The following IMMP2L variants were observed in gnomAD, a reference collection of about 807,000 sequenced individuals.
The protein encoded by IMMP2L is mitochondrial inner membrane protease subunit 2.
IMMP2L carries 18 observed loss-of-function variants against 19.3 expected under a neutral mutation model. The observed-to-expected ratio is 0.93, with a 90% confidence interval of 0.64 to 1.38. The LOEUF is 1.38. IMMP2L is among the 40% of genes most tolerant of loss of function. The pLI, the probability that IMMP2L is intolerant of heterozygous loss-of-function variation, is 0.00. For synonymous variants in IMMP2L, 76 were observed against 73.0 expected (o/e 1.04, Z -0.21); for missense variants, 233 against 218.2 (o/e 1.07, Z -0.43).
chr7:110,889,722 T>C (rs1017748324), intron 4 of IMMP2L, among the ~76,000 whole-genome samples: 3 of 152,194 alleles, frequency 2.0e-5, no homozygotes, highest in East Asian at 3.8e-4. Context: ...CAACATAGTC[T>C]CTGGAGCCAG....
chr7:111,211,686 G>A (rs1811326206), intron 3 of IMMP2L, among the ~76,000 whole-genome samples: 1 of 152,170 alleles, frequency 6.6e-6, no homozygotes, highest in African/African-American at 2.4e-5. Context: ...TGTGCAAAGA[G>A]GTTGGAATAT....
chr7:110,820,160 G>A (rs567878787), intron 5 of IMMP2L, among the ~76,000 whole-genome samples: 1 of 151,468 alleles, frequency 6.6e-6, no homozygotes, highest in Non-Finnish European at 1.5e-5. Context: ...TTATCTTCAG[G>A]GTACAATACA....
Position 111,538,315 on chromosome 7 carries a change from A to T in IMMP2L, c.-2-16866T>A, listed in dbSNP as rs956008525. Among the ~76,000 whole-genome samples the T allele has an allele frequency of 2.0e-5, 3 of 152,048 alleles. No individual in the cohort carries two copies. The South Asian group carries it at 6.2e-4, about 32-fold the overall frequency. On this transcript the variant is annotated intron_variant, in intron 1 of 5. Coordinates refer to ENST00000405709, the MANE Select transcript of IMMP2L (RefSeq NM_032549.4). ...ATATAAGTTCTGGAGGCCTTGATTG[A>T]ACAGCACTGCACAACCACATGCCAT...
At chr7:111,232,648 C>T (rs1813842246) in intron 3 of IMMP2L, among the ~76,000 whole-genome samples, 1 of 152,084 alleles carries the variant, frequency 6.6e-6, no homozygotes, top group African/African-American at 2.4e-5. Flanking sequence ...ACTCTTCACT[C>T]TTCACACTCT....
rs182224198 is a variant in IMMP2L at position 111,409,882 on chromosome 7, T to C, written c.239+77356A>G. 2.0e-4 allele frequency among the ~76,000 whole-genome samples: 31 copies of C among 151,814 alleles called. No individual in the cohort carries two copies. The East Asian group carries it at 5.4e-3, about 27-fold the overall frequency. ...AACAAAAGGGAAACAAATCAGGTGA[T>C]ATCTAAGACTGCCCCTATTCCAACC... On this transcript the variant is annotated intron_variant, in intron 3 of 5. Transcript: ENST00000405709.
At chr7:111,479,520 T>A (rs964827309) in intron 3 of IMMP2L, among the ~76,000 whole-genome samples, 6 of 152,148 alleles carry the variant, frequency 3.9e-5, no homozygotes, top group Admixed American at 1.3e-4. Context: ...TTGATTTGCC[T>A]TGTGTTCTAT....
chr7:110,891,192 A>G (rs558853323), intron 4 of IMMP2L, among the ~76,000 whole-genome samples: 1 of 151,868 alleles, frequency 6.6e-6, no homozygotes, highest in African/African-American at 2.4e-5. Flanking sequence ...CAGAAATATC[A>G]GCAGTTAGAA....
chr7:110,810,086 G>A (rs779601434), intron 5 of IMMP2L, among the ~76,000 whole-genome samples: 10 of 151,976 alleles, frequency 6.6e-5, no homozygotes, highest in South Asian at 4.1e-4. Context: ...CTGCCTTGCC[G>A]GCTTCCATCT....
At chr7:111,056,701 A>G (rs1793542367) in intron 3 of IMMP2L, among the ~76,000 whole-genome samples, 1 of 152,224 alleles carries the variant, frequency 6.6e-6, no homozygotes, top group Non-Finnish European at 1.5e-5. Flanking sequence ...TGCATGTATT[A>G]TATACTGTAT....
At chr7:111,400,476 A>G (rs1236205577) in intron 3 of IMMP2L, among the ~76,000 whole-genome samples, 1 of 152,048 alleles carries the variant, frequency 6.6e-6, no homozygotes, top group African/African-American at 2.4e-5. Flanking sequence ...TTGCTTGGTA[A>G]TATTCCCCTA....
At chr7:111,112,102 C>A (rs1799306119) in intron 3 of IMMP2L, among the ~76,000 whole-genome samples, 1 of 151,418 alleles carries the variant, frequency 6.6e-6, no homozygotes, top group South Asian at 2.1e-4. Context: ...CGCATGCCAC[C>A]ACACCCGGCT....
intron 3 of IMMP2L, among the ~76,000 whole-genome samples, chr7:111,113,726 C>T (rs924707542): frequency 1.3e-5 from 2 of 152,096 alleles, no homozygotes; most frequent in African/African-American, 4.8e-5. Context: ...ACACATTTCC[C>T]AAACCATTGT....
chr7:110,811,614 CTG>C (rs1562991112), intron 5 of IMMP2L, among the ~76,000 whole-genome samples: 1 of 151,920 alleles, frequency 6.6e-6, no homozygotes. Flanking sequence ...TTGAAATAGT[CTG>C]TGTATTTTTT....
At chr7:111,495,990 T>A (rs1843559605) in intron 2 of IMMP2L, among the ~76,000 whole-genome samples, 1 of 152,142 alleles carries the variant, frequency 6.6e-6, no homozygotes, top group Non-Finnish European at 1.5e-5. Context: ...GAAGAACCAT[T>A]ACTTTGAAGA....
intron 3 of IMMP2L, among the ~76,000 whole-genome samples, chr7:111,440,194 A>G (rs990317698): frequency 6.6e-6 from 1 of 151,878 alleles, no homozygotes; most frequent in Admixed American, 6.6e-5. Flanking sequence ...ATGAATCATG[A>G]ATCACAAATC....
chr7:111,123,509 A>G lies in IMMP2L; in HGVS notation c.240-159944T>C. 6.2e-7 allele frequency: 1 copy of G among 1,613,920 alleles called. No individual in the cohort carries two copies. Among genetic ancestry groups the G allele is most frequent in the Non-Finnish European group, 8.5e-7 (1 of 1,179,938 alleles). ...TTAGAAAGCATCTCTTTTTACGATA[A>G]CAGGCTTATTAAAGTACCCCATGTT... On this transcript the variant is annotated intron_variant, in intron 3 of 5. Coordinates refer to ENST00000405709, the MANE Select transcript of IMMP2L (RefSeq NM_032549.4). The surrounding 1 kb of genome is among the most constrained non-coding windows in gnomAD (Gnocchi z 6.4).
intron 3 of IMMP2L, among the ~76,000 whole-genome samples, chr7:111,327,601 T>C (rs909868658): frequency 6.6e-6 from 1 of 151,450 alleles, no homozygotes; most frequent in South Asian, 2.1e-4. Context: ...TAAAAATAAA[T>C]ATAGGAAAAT....
intron 3 of IMMP2L, among the ~76,000 whole-genome samples, chr7:111,047,961 C>A (rs564326665): frequency 2.0e-4 from 30 of 151,874 alleles, no homozygotes; most frequent in African/African-American, 6.8e-4. Flanking sequence ...TGCTTCCTGC[C>A]GGGTGTGGTG....
chr7:111,393,678 T>G (rs964127997), intron 3 of IMMP2L, among the ~76,000 whole-genome samples: 4 of 152,126 alleles, frequency 2.6e-5, no homozygotes, highest in African/African-American at 7.2e-5. Context: ...TTTTTCTGTT[T>G]TACTCTTAAA....
Sources: gnomAD v4.1 joint callset for allele counts (sites outside exome capture counted in the v4.1 genomes callset) on GRCh38, gnomAD v4.1.1 for gene constraint, Gnocchi (gnomAD v3.1) non-coding constraint, MANE v1.5 for transcripts, NCBI Gene and HGNC (gene_info 2026-07-23, HGNC 2026-07-21) for gene names.